MAST4: variants seen among roughly 807,000 people sequenced by gnomAD.
The protein encoded by MAST4 is microtubule associated serine/threonine kinase family member 4.
A neutral mutation model predicts 162.7 loss-of-function variants in MAST4; 89 were observed. That is an observed-to-expected ratio of 0.55 (90% CI 0.46 to 0.65). The LOEUF (loss-of-function observed/expected upper bound fraction) is 0.65. Ranked by LOEUF, MAST4 falls within the 30% of genes least tolerant of loss-of-function variation. The pLI, the probability that MAST4 is intolerant of heterozygous loss-of-function variation, is 0.00. For synonymous variants in MAST4, 1,479 were observed against 1,361.1 expected, an observed-to-expected ratio of 1.09 and a Z score of -1.91; for missense variants, 3,153 against 3,374.0, an observed-to-expected ratio of 0.93 and a Z score of 1.62.
intron 3 of MAST4, chr5:66,789,840 C>G: frequency 4.1e-6 from 2 of 488,306 alleles, no homozygotes; most frequent in Non-Finnish European, 8.2e-6. Flanking sequence ...ATGATTCTTG[C>G]CTGGATCACT....
chr5:66,803,146 T>C (rs947237004), intron 3 of MAST4, among the ~76,000 whole-genome samples: 1 of 152,194 alleles, frequency 6.6e-6, no homozygotes, highest in Non-Finnish European at 1.5e-5. Context: ...ATTGTTGTAA[T>C]AATTGAAGGA....
chr5:66,872,830 T>C (rs1487447298), intron 3 of MAST4, among the ~76,000 whole-genome samples: 7 of 152,218 alleles, frequency 4.6e-5, no homozygotes, highest in Admixed American at 2.6e-4. Flanking sequence ...TCCACTGTTA[T>C]ACACAGCATG....
At chr5:66,842,235 T>C (rs1758477215) in intron 3 of MAST4, among the ~76,000 whole-genome samples, 1 of 152,170 alleles carries the variant, frequency 6.6e-6, no homozygotes, top group Admixed American at 6.6e-5. Flanking sequence ...GATTCAGCAT[T>C]AGAGGGCATG....
At chr5:66,982,104 A>G (rs1164565086) in intron 4 of MAST4, among the ~76,000 whole-genome samples, 1 of 152,192 alleles carries the variant, frequency 6.6e-6, no homozygotes, top group Non-Finnish European at 1.5e-5. Flanking sequence ...AGAGAGATTA[A>G]CTTGTCCGGA....
At chr5:66,707,751 G>A (rs1009830502) in intron 1 of MAST4, among the ~76,000 whole-genome samples, 1 of 152,154 alleles carries the variant, frequency 6.6e-6, no homozygotes, top group Admixed American at 6.6e-5. Flanking sequence ...TATGGTGGTA[G>A]GGGGGAGCAG....
chr5:66,856,752 T>A (rs1379996906), intron 3 of MAST4, among the ~76,000 whole-genome samples: 2 of 152,246 alleles, frequency 1.3e-5, no homozygotes, highest in African/African-American at 4.8e-5. Context: ...TGTAGGAAGA[T>A]CTTTGGATTG....
chr5:66,890,266 A>G (rs1762285048), intron 3 of MAST4, among the ~76,000 whole-genome samples: 1 of 152,192 alleles, frequency 6.6e-6, no homozygotes, highest in Non-Finnish European at 1.5e-5. Flanking sequence ...TTATTCATGT[A>G]ACTGTTGGCT....
chr5:67,018,646 G>C (rs1753611374), intron 4 of MAST4, among the ~76,000 whole-genome samples: 1 of 152,212 alleles, frequency 6.6e-6, no homozygotes, highest in African/African-American at 2.4e-5. Context: ...GGCCTTGACA[G>C]TGGAGGACTT....
chr5:67,167,044 C>G lies in MAST4; in HGVS notation c.7865C>G (p.Ala2622Gly). ...ESLRSSPHKK[A>G]L The stretch of plus-strand genomic sequence containing the variant: ...TTGCGTAGCAGCCCTCACAAAAAGG[C>G]CTTGTAACGGGGAGGGCCCAGGGGC... Residue 2622 changes from alanine to glycine, a missense_variant, in exon 29 of 29, where the codon GCC (alanine) becomes GGC (glycine). Ala to Gly is a moderately conservative substitution (Grantham distance 60, BLOSUM62 0). This residue lies in a region of MAST4 where 1,644 missense variants were observed against 1,495.0 expected (regional missense o/e 1.10). Coordinates refer to ENST00000403625, the MANE Select transcript of MAST4 (RefSeq NM_001164664.2). 1 of 1,581,350 alleles carries G rather than the reference C, an allele frequency of 6.3e-7. No homozygotes were observed. Among genetic ancestry groups the G allele is most frequent in the East Asian group, 2.2e-5 (1 of 44,534 alleles).
intron 3 of MAST4, among the ~76,000 whole-genome samples, chr5:66,859,466 C>G (rs1163493459): frequency 6.6e-6 from 1 of 152,146 alleles, no homozygotes; most frequent in African/African-American, 2.4e-5. Flanking sequence ...AATCCTACCA[C>G]CCCTGTCCTT....
chr5:67,015,926 G>C (rs1246611259), intron 4 of MAST4, among the ~76,000 whole-genome samples: 2 of 152,040 alleles, frequency 1.3e-5, no homozygotes, highest in African/African-American at 4.8e-5. Flanking sequence ...CTGTGAACAG[G>C]GTCTGAGGAT....
chr5:66,845,126 T>TATATACACACAC (rs1358855625), intron 3 of MAST4, among the ~76,000 whole-genome samples: 15 of 67,170 alleles, frequency 2.2e-4, no homozygotes, highest in East Asian at 8.0e-4. Context: ...TATATATATA[T>TATATACACACAC]ACACACACAC....
At chr5:66,816,529 G>A (rs140047814) in intron 3 of MAST4, among the ~76,000 whole-genome samples, 4 of 152,230 alleles carry the variant, frequency 2.6e-5, no homozygotes, top group African/African-American at 4.8e-5. Context: ...TATACTCTGC[G>A]AACCTGGAAA....
At chr5:66,852,503 C>G (rs1254635169) in intron 3 of MAST4, among the ~76,000 whole-genome samples, 1 of 152,134 alleles carries the variant, frequency 6.6e-6, no homozygotes, top group Non-Finnish European at 1.5e-5. Context: ...GACAAATTCC[C>G]TGGACACCGT....
chr5:67,023,251 A>T (rs1754213669), intron 4 of MAST4, among the ~76,000 whole-genome samples: 1 of 152,152 alleles, frequency 6.6e-6, no homozygotes, highest in Non-Finnish European at 1.5e-5. Flanking sequence ...CTATGACTTC[A>T]GTTTCTGGAG....
intron 5 of MAST4, among the ~76,000 whole-genome samples, chr5:67,056,377 T>C (rs1022506141): frequency 2.6e-5 from 4 of 152,170 alleles, no homozygotes; most frequent in Non-Finnish European, 5.9e-5. Flanking sequence ...TGCGCAGCAG[T>C]GTATGCTAGA....
chr5:67,019,805 G>T (rs1049993861), intron 4 of MAST4, among the ~76,000 whole-genome samples: 5 of 152,118 alleles, frequency 3.3e-5, no homozygotes, highest in African/African-American at 1.2e-4. Context: ...TGAAAGTTGG[G>T]TATATAGAGT....
chr5:66,702,592 G>A (rs1258223827), intron 1 of MAST4, among the ~76,000 whole-genome samples: 3 of 152,166 alleles, frequency 2.0e-5, no homozygotes, highest in Non-Finnish European at 4.4e-5. Flanking sequence ...CAACTTTTAA[G>A]GGAATCTGCA....
At chr5:66,867,371 A>C (rs1156583885) in intron 3 of MAST4, among the ~76,000 whole-genome samples, 1 of 152,190 alleles carries the variant, frequency 6.6e-6, no homozygotes, top group Non-Finnish European at 1.5e-5. Flanking sequence ...CATTCTTGTA[A>C]ATATGTTTAC....
Sources: allele counts gnomAD v4.1 joint callset (sites outside exome capture counted in the v4.1 genomes callset), GRCh38; gene constraint gnomAD v4.1.1; regional missense constraint gnomAD v4.1.1; transcripts MANE v1.5; gene names NCBI Gene and HGNC (gene_info 2026-07-23, HGNC 2026-07-21).